TGFBR3: variants seen among roughly 807,000 people sequenced by gnomAD.
The protein encoded by TGFBR3 is transforming growth factor beta receptor 3.
TGFBR3 carries 46 observed loss-of-function variants against 87.9 expected under a neutral mutation model. The observed-to-expected ratio is 0.52, with a 90% confidence interval of 0.41 to 0.67. TGFBR3 has a LOEUF of 0.67. TGFBR3 is among the 30% of genes least tolerant of loss of function. The probability of loss-of-function intolerance (pLI) is 0.00; values close to 1 mark genes in which losing one functional copy is unlikely to be tolerated. For synonymous variants in TGFBR3, 381 were observed against 391.6 expected, an observed-to-expected ratio of 0.97 and a Z score of 0.32; for missense variants, 866 against 1,041.9, an observed-to-expected ratio of 0.83 and a Z score of 2.32.
intron 3 of TGFBR3, among the ~76,000 whole-genome samples, chr1:91,780,930 CACAG>C (rs757527250): frequency 0.013 from 1,757 of 131,238 alleles, 12 homozygotes; most frequent in Middle Eastern, 0.025. Context: ...CACACACACA[CACAG>C]AGATCTCATC....
chr1:91,702,129 C>G (rs138762900), intron 14 of TGFBR3, among the ~76,000 whole-genome samples: 4 of 152,284 alleles, frequency 2.6e-5, no homozygotes, highest in African/African-American at 9.6e-5. Context: ...CTGTAACACA[C>G]AGGCAGCCCC....
intron 3 of TGFBR3, among the ~76,000 whole-genome samples, chr1:91,777,574 G>GCCCCAGCCCCAA (rs1674609498): frequency 8.5e-6 from 1 of 118,130 alleles, no homozygotes; most frequent in African/African-American, 3.2e-5. Flanking sequence ...CCTTCCCCCA[G>GCCCCAGCCCCAA]CCCCAGCCCC....
intron 1 of TGFBR3, among the ~76,000 whole-genome samples, chr1:91,866,048 C>G (rs1678386210): frequency 6.6e-6 from 1 of 152,140 alleles, no homozygotes; most frequent in South Asian, 2.1e-4. Context: ...GCATACTGCC[C>G]CACATGCCCT....
At chr1:91,735,830 ACTG>A (rs1672949856) in intron 4 of TGFBR3, among the ~76,000 whole-genome samples, 1 of 152,220 alleles carries the variant, frequency 6.6e-6, no homozygotes, top group Non-Finnish European at 1.5e-5. Context: ...TTATAAAATA[ACTG>A]ATTTTTTCAA....
intron 16 of TGFBR3, chr1:91,695,392 G>A: frequency 4.8e-6 from 2 of 417,722 alleles, no homozygotes; most frequent in Non-Finnish European, 9.0e-6. Flanking sequence ...TACGTTGTCT[G>A]CATTAACCTT....
intron 2 of TGFBR3, among the ~76,000 whole-genome samples, chr1:91,804,249 T>C (rs975963315): frequency 5.9e-5 from 9 of 152,134 alleles, no homozygotes; most frequent in Non-Finnish European, 1.2e-4. Flanking sequence ...CAAGTCCCAG[T>C]TGGGGCTTCC....
At chr1:91,875,492 T>C (rs1678749156) in intron 1 of TGFBR3, among the ~76,000 whole-genome samples, 1 of 151,700 alleles carries the variant, frequency 6.6e-6, no homozygotes, top group Admixed American at 6.6e-5. Context: ...AGCAACTCAA[T>C]GTAGACTGAA....
intron 2 of TGFBR3, among the ~76,000 whole-genome samples, chr1:91,816,330 G>A (rs1018841898): frequency 6.6e-6 from 1 of 152,196 alleles, no homozygotes; most frequent in African/African-American, 2.4e-5. Flanking sequence ...TTTTAAATCT[G>A]AGCCTGGTCT....
intron 2 of TGFBR3, among the ~76,000 whole-genome samples, chr1:91,828,454 G>A (rs898770085): frequency 1.1e-4 from 16 of 152,170 alleles, no homozygotes; most frequent in South Asian, 4.1e-4. Context: ...GAATGAAAAC[G>A]AACAGGACAC....
At chr1:91,783,402 C>G (rs1674843351) in intron 3 of TGFBR3, 1 of 152,244 alleles carries the variant, frequency 6.6e-6, no homozygotes, top group African/African-American at 2.4e-5. Context: ...GACAAGGACT[C>G]CTTCAATCAG....
At chr1:91,891,956 T>A (rs1679460240) in intron 2 of TGFBR3, among the ~76,000 whole-genome samples, 1 of 152,142 alleles carries the variant, frequency 6.6e-6, no homozygotes, top group Non-Finnish European at 1.5e-5. Context: ...TTTCAATTAA[T>A]GAGAAAAAAT....
chr1:91,881,867 G>A (rs113792403), intron 1 of TGFBR3, among the ~76,000 whole-genome samples: 2,545 of 151,736 alleles, frequency 0.017, 76 homozygotes, highest in African/African-American at 0.059. Flanking sequence ...GTGAAGCCCC[G>A]TCTCTACGAA....
rs574621997 is a variant in TGFBR3 at position 91,865,178 on chromosome 1, G to A, written c.-113-3534C>T. Reference sequence around the variant, plus strand: ...AGATTATGCCACTGCACTCCAGCCTGGACAACAGAGTGAGACTCCATCTCA... The same window carrying A: ...AGATTATGCCACTGCACTCCAGCCTAGACAACAGAGTGAGACTCCATCTCA... On this transcript the variant is annotated intron_variant, in intron 1 of 16. Coordinates refer to ENST00000212355, the MANE Select transcript of TGFBR3 (RefSeq NM_003243.5). Among the ~76,000 whole-genome samples the A allele has an allele frequency of 1.3e-3, 175 of 139,350 alleles. 1 individual carries two copies. The highest frequency in any genetic ancestry group is 4.7e-3 in the African/African-American group (172 of 36,430). The allele number at this position is 139,350 out of a possible 152,430, so 91.4% of individuals were successfully genotyped here.
chr1:91,902,549 C>T (rs950159085), intron 1 of TGFBR3, among the ~76,000 whole-genome samples: 12 of 151,926 alleles, frequency 7.9e-5, no homozygotes, highest in Non-Finnish European at 1.6e-4. Flanking sequence ...TCCCAAAGTG[C>T]TGGGATTATA....
At position 91,728,490 on chromosome 1, in the gene TGFBR3, C is replaced by G. The variant is rs559582746; in HGVS notation, c.738-684G>C. 2.0e-5 allele frequency among the ~76,000 whole-genome samples: 3 copies of G among 152,160 alleles called. No homozygotes were observed. The East Asian group carries it at 5.8e-4, about 29-fold the overall frequency. ...AACACAACCCAAACTTCTAAGAATT[C>G]GTAAAAAAGAGAATTTTTTACTAAA... On this transcript the variant is annotated intron_variant, in intron 6 of 16. Coordinates refer to ENST00000212355, the MANE Select transcript of TGFBR3 (RefSeq NM_003243.5).
intron 2 of TGFBR3, among the ~76,000 whole-genome samples, chr1:91,894,779 TCTGTC>T (rs1276045890): frequency 2.0e-5 from 3 of 152,212 alleles, no homozygotes; most frequent in Non-Finnish European, 4.4e-5. Context: ...TGAGACACTC[TCTGTC>T]CTTTGAGACG....
At chr1:91,730,932 A>G (rs1294758685) in intron 5 of TGFBR3, among the ~76,000 whole-genome samples, 2 of 152,264 alleles carry the variant, frequency 1.3e-5, no homozygotes, top group African/African-American at 2.4e-5. Context: ...AAGTGATGCA[A>G]GTACCAGAAT....
intron 12 of TGFBR3, 101 bp downstream of exon 12, chr1:91,716,135 G>C (rs1351210861): frequency 2.1e-6 from 3 of 1,424,770 alleles, no homozygotes; most frequent in Non-Finnish European, 2.9e-6. Flanking sequence ...AGGTCTGTGA[G>C]GTAGGACAGG....
At chr1:91,691,805 C>T (rs1671274767) in intron 16 of TGFBR3, among the ~76,000 whole-genome samples, 1 of 152,130 alleles carries the variant, frequency 6.6e-6, no homozygotes, top group Admixed American at 6.5e-5. Flanking sequence ...GTAGAACATT[C>T]CATATGTCTC....
Sources: allele counts gnomAD v4.1 joint callset (sites outside exome capture counted in the v4.1 genomes callset), GRCh38; gene constraint gnomAD v4.1.1; transcripts MANE v1.5; gene names NCBI Gene and HGNC (gene_info 2026-07-23, HGNC 2026-07-21).